The following PYROXD1 variants were observed in gnomAD, a reference collection of about 807,000 sequenced individuals.
The protein encoded by PYROXD1 is tRNA ligase complex-associated NAD(P)H dehydrogenase PYROXD1.
In PYROXD1, 42 loss-of-function variants were observed where a neutral mutation model predicts 62.0. The ratio of observed to expected loss-of-function variants is 0.68; its 90% CI spans 0.53 to 0.88. PYROXD1 has a LOEUF of 0.88. Among genes scored for constraint, PYROXD1 ranks in the 40% least tolerant of loss-of-function variants. The pLI is 0.00. For synonymous variants in PYROXD1, 170 were observed against 206.4 expected (o/e 0.82, Z 1.51); for missense variants, 493 against 604.8 (o/e 0.82, Z 1.94).
chr12:21,455,817 G>A (rs1293706027), intron 6 of PYROXD1, among the ~76,000 whole-genome samples, 178 bp from the exon 7 acceptor site: 4 of 152,012 alleles, frequency 2.6e-5, no homozygotes, highest in African/African-American at 4.8e-5. Context: ...TATCTGTTTT[G>A]TAACTCTACA....
intron 2 of PYROXD1, chr12:21,441,449 ATG>A (rs776110315): frequency 4.5e-5 from 6 of 131,890 alleles, no homozygotes; most frequent in Non-Finnish European, 6.7e-5. Context: ...CCCTACTTCT[ATG>A]TTCTTTTTCA....
intron 7 of PYROXD1, among the ~76,000 whole-genome samples, chr12:21,458,569 A>G (rs1204378852): frequency 1.3e-5 from 2 of 152,142 alleles, no homozygotes; most frequent in African/African-American, 4.8e-5. Flanking sequence ...AATCATTGCT[A>G]CCTTTTGATT....
chr12:21,466,253 T>C lies in PYROXD1; in HGVS notation c.1117-1228T>C, dbSNP rs1384200560. On this transcript the variant is annotated intron_variant, in intron 10 of 11. Transcript: ENST00000240651. Reference sequence around the variant, plus strand: ...ATGGCATTGAATCTATAAATTACCTTGGGCAGTATGGCCATTTTCACGATA... The same window carrying C: ...ATGGCATTGAATCTATAAATTACCTCGGGCAGTATGGCCATTTTCACGATA... Among the ~76,000 whole-genome samples the C allele has an allele frequency of 2.0e-5, 3 of 150,466 alleles. No homozygotes were observed. In the South Asian group the frequency reaches 6.5e-4, roughly 32 times the overall value.
chr12:21,440,539 C>G, intron 2 of PYROXD1, 91 bp downstream of exon 2: 1 of 726,728 alleles, frequency 1.4e-6, no homozygotes, highest in Non-Finnish European at 2.3e-6. Context: ...TTTTTTCTTT[C>G]TTAAAAATTG....
intron 3 of PYROXD1, among the ~76,000 whole-genome samples, chr12:21,445,834 A>G (rs529209442): frequency 9.2e-5 from 14 of 152,300 alleles, no homozygotes; most frequent in African/African-American, 3.4e-4. Flanking sequence ...TTGACATATA[A>G]AAAACACAGT....
Position 21,470,058 on chromosome 12 carries a change from A to T in PYROXD1, c.*1304A>T. ...CATTCTCAAAAGTTTAGATCTTCAGAGATAAGCTCTGAAAATATAGATCCA... is the reference window on the plus strand; with the variant it reads ...CATTCTCAAAAGTTTAGATCTTCAGTGATAAGCTCTGAAAATATAGATCCA... On this transcript the variant is annotated 3_prime_UTR_variant, in exon 12 of 12. Coordinates refer to ENST00000240651, the MANE Select transcript of PYROXD1 (RefSeq NM_024854.5). 3 of 662,688 alleles carry T rather than the reference A, an allele frequency of 4.5e-6. No individual in the cohort carries two copies. Among genetic ancestry groups the T allele is most frequent in the Admixed American group, 7.4e-5 (2 of 26,970 alleles). The allele number at this position is 662,688 out of a possible 1,614,324, so 41.1% of individuals were successfully genotyped here. A position where few individuals can be genotyped will look rare whatever the true frequency, so the allele number is the denominator to read the frequency against.
At chr12:21,459,374 A>G (rs1942653824) in intron 7 of PYROXD1, among the ~76,000 whole-genome samples, 1 of 152,208 alleles carries the variant, frequency 6.6e-6, no homozygotes, top group African/African-American at 2.4e-5. Flanking sequence ...AGGGCATAGA[A>G]GCTTCATGCC....
intron 3 of PYROXD1, 120 bp downstream of exon 3, chr12:21,445,586 A>C: frequency 4.1e-6 from 4 of 980,194 alleles, no homozygotes; most frequent in Non-Finnish European, 5.7e-6. Flanking sequence ...TGTAAAGTTT[A>C]GTGACATTGA....
intron 2 of PYROXD1, 101 bp from the exon 3 acceptor site, chr12:21,445,246 A>AC: frequency 8.1e-7 from 1 of 1,239,936 alleles, no homozygotes; most frequent in South Asian, 2.0e-5. Context: ...TTGTTTTATA[A>AC]ACACAAAATA....
intron 11 of PYROXD1, among the ~76,000 whole-genome samples, chr12:21,467,925 A>G (rs969105199): frequency 6.6e-6 from 1 of 151,756 alleles, no homozygotes; most frequent in Non-Finnish European, 1.5e-5. Context: ...TGTGAGGGGA[A>G]CTAACTGCTG....
chr12:21,446,280 G>A (rs1189464988), intron 3 of PYROXD1, among the ~76,000 whole-genome samples: 4 of 151,360 alleles, frequency 2.6e-5, no homozygotes, highest in African/African-American at 7.3e-5. Flanking sequence ...AAAATTAGCC[G>A]GGTGTGGTGG....
intron 2 of PYROXD1, among the ~76,000 whole-genome samples, chr12:21,440,889 A>G (rs1420583926): frequency 6.6e-6 from 1 of 152,148 alleles, no homozygotes; most frequent in Non-Finnish European, 1.5e-5. Flanking sequence ...AATTTTGTTG[A>G]ATATTTTTTC....
At chr12:21,463,873 A>G (rs1323891870) in intron 10 of PYROXD1, among the ~76,000 whole-genome samples, 1 of 152,162 alleles carries the variant, frequency 6.6e-6, no homozygotes, top group Non-Finnish European at 1.5e-5. Context: ...AGACCTAGGT[A>G]GATGTTTGAA....
At position 21,461,942 on chromosome 12, in the gene PYROXD1, T is replaced by TA. The variant is rs150004770; in HGVS notation, c.881-65dup. On this transcript the variant is annotated intron_variant, in intron 8 of 11. Coordinates refer to ENST00000240651, the MANE Select transcript of PYROXD1 (RefSeq NM_024854.5). ...TTTGTTTCTAGTCATTGTAGTCACA[T>TA]ACACTGCTGTGGTGATGGTTCCATT... The TA allele has an allele frequency of 3.5e-3, 3,132 of 907,282 alleles. 72 individuals carry two copies. The African/African-American group carries it at 0.044, about 13-fold the overall frequency. The allele number at this position is 907,282 out of a possible 1,614,324, so 56.2% of individuals were successfully genotyped here.
chr12:21,460,879 T>G (rs567827264), intron 7 of PYROXD1, 146 bp from the exon 8 acceptor site: 126 of 471,990 alleles, frequency 2.7e-4, no homozygotes, highest in African/African-American at 2.4e-3. Context: ...AGAGACTTAT[T>G]TTAGGGCACC....
At chr12:21,457,714 C>T (rs1159886488) in intron 7 of PYROXD1, among the ~76,000 whole-genome samples, 1 of 145,144 alleles carries the variant, frequency 6.9e-6, no homozygotes, top group Non-Finnish European at 1.5e-5. Context: ...GAGAAGGGGG[C>T]TGGTGCCACA....
intron 3 of PYROXD1, among the ~76,000 whole-genome samples, chr12:21,449,355 C>G (rs1482880963): frequency 1.8e-5 from 2 of 113,280 alleles, no homozygotes; most frequent in East Asian, 5.6e-4. Context: ...GGTTCATGAG[C>G]TTAAAATGAT....
At chr12:21,461,742 T>G (rs926599219) in intron 8 of PYROXD1, among the ~76,000 whole-genome samples, 3 of 152,204 alleles carry the variant, frequency 2.0e-5, no homozygotes, top group African/African-American at 7.2e-5. Flanking sequence ...TTAAATGTAC[T>G]TTGTCAAAAT....
chr12:21,446,198 C>T (rs963269144), intron 3 of PYROXD1, among the ~76,000 whole-genome samples: 4 of 152,010 alleles, frequency 2.6e-5, no homozygotes, highest in Non-Finnish European at 5.9e-5. Flanking sequence ...CTGAGGCAGG[C>T]GGATCATGAG....
Sources: gnomAD v4.1 joint callset for allele counts (sites outside exome capture counted in the v4.1 genomes callset) on GRCh38, gnomAD v4.1.1 for gene constraint, MANE v1.5 for transcripts, NCBI Gene and HGNC (gene_info 2026-07-23, HGNC 2026-07-21) for gene names.